The following AKAP6 variants were observed in gnomAD, a reference collection of about 807,000 sequenced individuals.
AKAP6 encodes the protein A-kinase anchoring protein 6.
Under a neutral mutation model 188.5 loss-of-function variants are expected in AKAP6, and 58 were observed. The observed-to-expected ratio is 0.31, with a 90% CI of 0.25 to 0.38. AKAP6 has a LOEUF of 0.38. Ranked by LOEUF, AKAP6 falls within the 10% of genes least tolerant of loss-of-function variation. AKAP6 has a pLI of 1.00. For missense variants in AKAP6, 2,710 were observed against 2,740.0 expected (o/e 0.99, Z 0.24); for synonymous variants, 989 against 998.6 (o/e 0.99, Z 0.18).
Position 32,535,807 on chromosome 14 carries a change from T to C in AKAP6, c.576+2T>C. ...GCTTTCTCTGAAGAGACAAAAGAGGTGAGTGTTTTCCTTGAAGTTAAGCAA... is the reference window on the plus strand; with the variant it reads ...GCTTTCTCTGAAGAGACAAAAGAGGCGAGTGTTTTCCTTGAAGTTAAGCAA... On this transcript the variant is annotated splice_donor_variant, in intron 3 of 13. Transcript: ENST00000280979. LOFTEE classifies it high-confidence loss of function. 6.2e-7 allele frequency: 1 copy of C among 1,606,658 alleles called. No individual in the cohort carries two copies. Among genetic ancestry groups the C allele is most frequent in the Non-Finnish European group, 8.5e-7 (1 of 1,174,732 alleles).
intron 11 of AKAP6, among the ~76,000 whole-genome samples, chr14:32,744,397 A>G (rs1239454244): frequency 6.6e-6 from 1 of 151,830 alleles, no homozygotes; most frequent in Non-Finnish European, 1.5e-5. Context: ...GCTCACTGCA[A>G]ACTCCACCTC....
intron 2 of AKAP6, among the ~76,000 whole-genome samples, chr14:32,498,309 C>CAATT (rs1880431840): frequency 6.7e-6 from 1 of 149,054 alleles, no homozygotes; most frequent in Non-Finnish European, 1.5e-5. Context: ...GAATATATAA[C>CAATT]AATTAATGTC....
At chr14:32,352,006 C>A (rs1318439967) in intron 1 of AKAP6, among the ~76,000 whole-genome samples, 2 of 151,886 alleles carry the variant, frequency 1.3e-5, no homozygotes, top group Non-Finnish European at 2.9e-5. Context: ...CTGGATAGCC[C>A]TGATGTAGAA....
chr14:32,775,716 AC>A (rs1373154924), intron 12 of AKAP6, among the ~76,000 whole-genome samples: 3 of 152,152 alleles, frequency 2.0e-5, no homozygotes, highest in Non-Finnish European at 4.4e-5. Context: ...GGTGTAAGCC[AC>A]TGCACTCAGC....
intron 7 of AKAP6, among the ~76,000 whole-genome samples, chr14:32,676,286 T>A (rs1038379366): frequency 6.6e-6 from 1 of 152,188 alleles, no homozygotes; most frequent in Non-Finnish European, 1.5e-5. Context: ...TTTAAAAGAT[T>A]TTTTCTGTTG....
At chr14:32,517,363 G>GT (rs757978396) in intron 2 of AKAP6, among the ~76,000 whole-genome samples, 2 of 152,186 alleles carry the variant, frequency 1.3e-5, no homozygotes, top group Non-Finnish European at 2.9e-5. Flanking sequence ...AGCTCCCAGT[G>GT]TAAGTGACGC....
chr14:32,600,085 T>C (rs1026789316), intron 6 of AKAP6, among the ~76,000 whole-genome samples: 1 of 152,226 alleles, frequency 6.6e-6, no homozygotes, highest in Non-Finnish European at 1.5e-5. Flanking sequence ...ATCCTGATAA[T>C]AGAAGACTGT....
chr14:32,665,417 A>G (rs1170750105), intron 7 of AKAP6, among the ~76,000 whole-genome samples: 1 of 150,208 alleles, frequency 6.7e-6, no homozygotes, highest in Non-Finnish European at 1.5e-5. Flanking sequence ...CTGATTTATT[A>G]TAAAGGATAT....
chr14:32,814,692 T>C (rs1266846388), intron 12 of AKAP6, among the ~76,000 whole-genome samples: 2 of 152,190 alleles, frequency 1.3e-5, no homozygotes, highest in African/African-American at 2.4e-5. Context: ...GTCTTTTTAC[T>C]TTTTTCCTTC....
At chr14:32,338,992 A>G (rs951695259) in intron 1 of AKAP6, among the ~76,000 whole-genome samples, 50 of 152,306 alleles carry the variant, frequency 3.3e-4, no homozygotes, top group South Asian at 1.9e-3. Flanking sequence ...AAATATTTAT[A>G]CTGTGTCAAG....
intron 1 of AKAP6, among the ~76,000 whole-genome samples, chr14:32,378,949 A>C (rs1594557931): frequency 1.5e-5 from 2 of 129,852 alleles, no homozygotes; most frequent in African/African-American, 3.0e-5. Flanking sequence ...ACCGAATTTC[A>C]CTCTTGTCAC....
At chr14:32,499,889 C>A (rs897895779) in intron 2 of AKAP6, among the ~76,000 whole-genome samples, 4 of 151,992 alleles carry the variant, frequency 2.6e-5, no homozygotes, top group Admixed American at 2.6e-4. Context: ...ATACCAAAGA[C>A]CTATTATTAG....
intron 9 of AKAP6, among the ~76,000 whole-genome samples, chr14:32,713,700 G>T (rs982546936): frequency 6.6e-6 from 1 of 151,946 alleles, no homozygotes; most frequent in Admixed American, 6.6e-5. Context: ...ACCTCTCTTA[G>T]CCTTCATAGA....
chr14:32,557,016 C>T (rs999889410), intron 4 of AKAP6, among the ~76,000 whole-genome samples: 2 of 151,958 alleles, frequency 1.3e-5, no homozygotes, highest in African/African-American at 4.8e-5. Flanking sequence ...AAGGCTAAGA[C>T]CAAGTCATCT....
chr14:32,359,434 C>G (rs1452185690), intron 1 of AKAP6, among the ~76,000 whole-genome samples: 2 of 151,978 alleles, frequency 1.3e-5, no homozygotes, highest in Non-Finnish European at 2.9e-5. Context: ...AATTATAAAA[C>G]TAATAAAGAA....
At chr14:32,595,877 A>G (rs909024563) in intron 5 of AKAP6, among the ~76,000 whole-genome samples, 1 of 152,134 alleles carries the variant, frequency 6.6e-6, no homozygotes, top group Non-Finnish European at 1.5e-5. Flanking sequence ...TACACAATAG[A>G]ATATAAGCTG....
chr14:32,475,839 G>A (rs565557256), intron 2 of AKAP6, among the ~76,000 whole-genome samples: 7 of 151,854 alleles, frequency 4.6e-5, no homozygotes, highest in Non-Finnish European at 8.8e-5. Flanking sequence ...CACCACGCCC[G>A]GCTAATTTTT....
intron 7 of AKAP6, among the ~76,000 whole-genome samples, chr14:32,635,148 T>C (rs1887433007): frequency 6.6e-6 from 1 of 152,058 alleles, no homozygotes; most frequent in Non-Finnish European, 1.5e-5. Flanking sequence ...CTGAGTACTT[T>C]ATTAATTATT....
At chr14:32,554,614 T>C (rs1230226599) in intron 4 of AKAP6, among the ~76,000 whole-genome samples, 1 of 152,190 alleles carries the variant, frequency 6.6e-6, no homozygotes. Context: ...AAAATCGATT[T>C]ATGAAGCCCA....
Sources: gnomAD v4.1 joint callset for allele counts (sites outside exome capture counted in the v4.1 genomes callset) on GRCh38, gnomAD v4.1.1 for gene constraint, MANE v1.5 for transcripts, NCBI Gene and HGNC (gene_info 2026-07-23, HGNC 2026-07-21) for gene names.